The following OR3A2 variants were observed in gnomAD, a reference collection of about 807,000 sequenced individuals.
OR3A2 encodes the protein olfactory receptor family 3 subfamily A member 2.
For synonymous variants in OR3A2, 126 were observed against 159.3 expected (o/e 0.79, Z 1.57); for missense variants, 318 against 392.8 (o/e 0.81, Z 1.61).
intron 3 of OR3A2, among the ~76,000 whole-genome samples, chr17:3,307,742 G>A (rs975627902): frequency 5.3e-5 from 8 of 152,176 alleles, no homozygotes; most frequent in African/African-American, 1.4e-4. Flanking sequence ...GATGGCTCAC[G>A]TGAGCTGTGA....
intron 3 of OR3A2, among the ~76,000 whole-genome samples, chr17:3,290,802 G>A (rs1006250618): frequency 6.6e-6 from 1 of 152,352 alleles, no homozygotes; most frequent in East Asian, 1.9e-4. Flanking sequence ...TCTCAGCAAG[G>A]AGGTTTGGAG....
At chr17:3,298,559 T>TG (rs2150625090) in intron 3 of OR3A2, among the ~76,000 whole-genome samples, 1 of 152,332 alleles carries the variant, frequency 6.6e-6, no homozygotes, top group South Asian at 2.1e-4. Context: ...TGCCCTGGCA[T>TG]GGGAGAGTCC....
chr17:3,292,097 G>A (rs1049203112), intron 3 of OR3A2: 5 of 1,614,242 alleles, frequency 3.1e-6, no homozygotes, highest in Non-Finnish European at 4.2e-6. Context: ...TGGCCACAGT[G>A]TGGGTCAGTG....
At chr17:3,371,678 G>C (rs1280787430) in intron 2 of OR3A2, among the ~76,000 whole-genome samples, 2 of 139,842 alleles carry the variant, frequency 1.4e-5, no homozygotes, top group Admixed American at 1.4e-4. Flanking sequence ...CGGACGGGGC[G>C]GCTGGCCGGG....
In OR3A2 at chr17:3,349,824, C is replaced by G. The variant is rs560204905; in HGVS notation, c.-178-13698G>C. 1.7e-3 allele frequency among the ~76,000 whole-genome samples: 266 copies of G among 152,106 alleles called. 2 individuals are homozygous for G. Among genetic ancestry groups the G allele is most frequent in the African/African-American group, 6.3e-3 (262 of 41,470 alleles). On this transcript the variant is annotated intron_variant, in intron 2 of 4. Transcript: ENST00000573491. ...AAATGTAAAAGAACAGAAATTATAA[C>G]AAACTATCTCTCAGACCACAGTGCA...
intron 3 of OR3A2, chr17:3,291,735 A>C (rs2048869633): frequency 1.2e-6 from 2 of 1,613,786 alleles, no homozygotes; most frequent in East Asian, 4.5e-5. Context: ...GGGATTGATG[A>C]CAGTGTTGAA....
At chr17:3,367,520 G>A (rs1044938233) in intron 2 of OR3A2, among the ~76,000 whole-genome samples, 19 of 150,532 alleles carry the variant, frequency 1.3e-4, no homozygotes, top group Non-Finnish European at 4.4e-5. Context: ...ACTCCATCCA[G>A]GTTGCTGCAA....
chr17:3,342,534 C>G (rs1291158428), intron 2 of OR3A2, among the ~76,000 whole-genome samples: 2 of 152,210 alleles, frequency 1.3e-5, no homozygotes, highest in Non-Finnish European at 2.9e-5. Context: ...AGCTGCAGGT[C>G]TGTTAGAGTT....
intron 2 of OR3A2, among the ~76,000 whole-genome samples, chr17:3,347,560 C>T (rs230446): frequency 6.6e-6 from 1 of 151,902 alleles, no homozygotes; most frequent in Non-Finnish European, 1.5e-5. Context: ...CATGTCCCTA[C>T]AAAGGACATG....
chr17:3,342,060 T>C (rs2049323513), intron 2 of OR3A2, among the ~76,000 whole-genome samples: 1 of 152,250 alleles, frequency 6.6e-6, no homozygotes, highest in Non-Finnish European at 1.5e-5. Flanking sequence ...TCAAATCGGC[T>C]ACTGAAGCTT....
intron 2 of OR3A2, among the ~76,000 whole-genome samples, chr17:3,338,707 T>G (rs886871763): frequency 6.6e-6 from 1 of 152,230 alleles, no homozygotes; most frequent in East Asian, 1.9e-4. Flanking sequence ...GGTAGCATGA[T>G]GCTTCCAGGT....
At chr17:3,374,727 T>C (rs930036541) in intron 2 of OR3A2, among the ~76,000 whole-genome samples, 5 of 152,166 alleles carry the variant, frequency 3.3e-5, no homozygotes, top group Non-Finnish European at 5.9e-5. Context: ...TTTAGCTCCA[T>C]AGGTTATTTG....
At chr17:3,324,638 T>C (rs1314072600) in intron 3 of OR3A2, among the ~76,000 whole-genome samples, 2 of 152,104 alleles carry the variant, frequency 1.3e-5, no homozygotes, top group African/African-American at 4.8e-5. Context: ...AGACCCTGTT[T>C]GCCTGGGTAT....
At chr17:3,339,473 T>C (rs981764755) in intron 2 of OR3A2, among the ~76,000 whole-genome samples, 1 of 152,242 alleles carries the variant, frequency 6.6e-6, no homozygotes, top group Non-Finnish European at 1.5e-5. Context: ...TTATTGAGTT[T>C]TTAGCATGAA....
chr17:3,304,099 G>A (rs1313723644), intron 3 of OR3A2, among the ~76,000 whole-genome samples: 1 of 151,642 alleles, frequency 6.6e-6, no homozygotes. Context: ...TTGATTAGGG[G>A]GACTGAGACA....
intron 2 of OR3A2, among the ~76,000 whole-genome samples, chr17:3,373,037 C>T (rs944981254): frequency 1.3e-5 from 2 of 152,110 alleles, no homozygotes; most frequent in Non-Finnish European, 2.9e-5. Flanking sequence ...TTTTTAATTT[C>T]CATCATGATT....
At chr17:3,375,469 A>G (rs984783134) in intron 2 of OR3A2, among the ~76,000 whole-genome samples, 18 of 151,328 alleles carry the variant, frequency 1.2e-4, no homozygotes, top group Non-Finnish European at 7.4e-5. Context: ...TGTCTGGCTC[A>G]TTTTGTATTT....
rs150631357 is a variant in OR3A2 at position 3,379,078 on chromosome 17, T to C, written c.-179+4726A>G. ...CAACTTCTCTGACACTCCTCAGAGA[T>C]CAACAAGGCTGGGACCCCATATGCT... On this transcript the variant is annotated intron_variant, in intron 2 of 4. Transcript: ENST00000573491. 5.1e-3 allele frequency among the ~76,000 whole-genome samples: 773 copies of C among 152,142 alleles called. 3 individuals carry two copies. Among genetic ancestry groups the C allele is most frequent in the African/African-American group, 0.018 (737 of 41,492 alleles).
chr17:3,358,117 A>G (rs151191), intron 2 of OR3A2, among the ~76,000 whole-genome samples: 63,743 of 151,308 alleles, frequency 0.42, 14,071 homozygotes, highest in Admixed American at 0.53. Flanking sequence ...GTGGAACTCC[A>G]TCACTCTGGG....
Sources: gnomAD v4.1 joint callset for allele counts (sites outside exome capture counted in the v4.1 genomes callset) on GRCh38, gnomAD v4.1.1 for gene constraint, MANE v1.5 for transcripts, NCBI Gene and HGNC (gene_info 2026-07-23, HGNC 2026-07-21) for gene names.